The following KCTD16 variants were observed in gnomAD, a reference collection of about 807,000 sequenced individuals.
The protein encoded by KCTD16 is potassium channel tetramerization domain containing 16.
Under a neutral mutation model 33.2 loss-of-function variants are expected in KCTD16, and 13 were observed. That is an observed-to-expected ratio of 0.39 (90% CI 0.25 to 0.62). KCTD16 has a LOEUF of 0.62. KCTD16 is among the 20% of genes least tolerant of loss of function. The pLI is 0.50. For missense variants in KCTD16, 441 were observed against 525.1 expected, an observed-to-expected ratio of 0.84 and a Z score of 1.57; for synonymous variants, 197 against 195.3, an observed-to-expected ratio of 1.01 and a Z score of -0.07.
At chr5:144,278,372 T>G (rs1281892625) in intron 3 of KCTD16, among the ~76,000 whole-genome samples, 1 of 151,960 alleles carries the variant, frequency 6.6e-6, no homozygotes, top group African/African-American at 2.4e-5. Flanking sequence ...TTTCCTTTTA[T>G]CAATACCACC....
intron 3 of KCTD16, among the ~76,000 whole-genome samples, chr5:144,328,845 CTT>C (rs944928643): frequency 5.4e-5 from 8 of 149,186 alleles, no homozygotes; most frequent in African/African-American, 2.0e-4. Context: ...CTGGGAAAGA[CTT>C]TGCTGTAGCT....
At chr5:144,253,818 A>G (rs1338421751) in intron 3 of KCTD16, among the ~76,000 whole-genome samples, 1 of 152,218 alleles carries the variant, frequency 6.6e-6, no homozygotes, top group South Asian at 2.1e-4. Flanking sequence ...GAGAGAAAAA[A>G]TACATATACC....
chr5:144,445,917 A>G (rs1275014603), intron 3 of KCTD16, among the ~76,000 whole-genome samples: 1 of 151,984 alleles, frequency 6.6e-6, no homozygotes, highest in Non-Finnish European at 1.5e-5. Flanking sequence ...AGACTCTCCC[A>G]GTTTCTGTTT....
intron 3 of KCTD16, among the ~76,000 whole-genome samples, chr5:144,251,658 C>T (rs1483615130): frequency 6.6e-6 from 1 of 152,116 alleles, no homozygotes; most frequent in African/African-American, 2.4e-5. Flanking sequence ...AGTTTCCTGA[C>T]CATTTACGCA....
At chr5:144,388,179 A>G (rs1561589265) in intron 3 of KCTD16, among the ~76,000 whole-genome samples, 1 of 140,154 alleles carries the variant, frequency 7.1e-6, no homozygotes, top group Non-Finnish European at 1.5e-5. Flanking sequence ...TCCCGGGTTC[A>G]CGCCATTCTC....
chr5:144,384,143 G>A (rs867647512), intron 3 of KCTD16: 4 of 152,174 alleles, frequency 2.6e-5, no homozygotes, highest in South Asian at 2.1e-4. Context: ...AAGATGGTGA[G>A]TTAATATATT....
intron 3 of KCTD16, among the ~76,000 whole-genome samples, chr5:144,458,484 CT>C (rs150848495): frequency 0.029 from 4,433 of 152,192 alleles, 222 homozygotes; most frequent in African/African-American, 0.1. Flanking sequence ...GGCTGTTGTT[CT>C]ATAGATAAAG....
chr5:144,286,564 T>G (rs1292031458), intron 3 of KCTD16, among the ~76,000 whole-genome samples: 1 of 152,186 alleles, frequency 6.6e-6, no homozygotes, highest in African/African-American at 2.4e-5. Context: ...ATGTTACTAC[T>G]GTGAAGTTGA....
chr5:144,207,913 G>T (rs1373384540), intron 3 of KCTD16, among the ~76,000 whole-genome samples: 2 of 152,182 alleles, frequency 1.3e-5, no homozygotes, highest in Non-Finnish European at 2.9e-5. Flanking sequence ...TATACTCAGT[G>T]GGTGAATTAC....
chr5:144,279,638 A>G (rs10045800), intron 3 of KCTD16, among the ~76,000 whole-genome samples: 35,556 of 152,202 alleles, frequency 0.23, 4,390 homozygotes, highest in Non-Finnish European at 0.28. Flanking sequence ...TGGTGGAAGG[A>G]CAAGAGAGTG....
At chr5:144,312,282 G>A (rs1211507557) in intron 3 of KCTD16, among the ~76,000 whole-genome samples, 1 of 152,198 alleles carries the variant, frequency 6.6e-6, no homozygotes, top group Non-Finnish European at 1.5e-5. Flanking sequence ...CAGGACAAGT[G>A]CTTGGCCCCA....
At chr5:144,192,641 G>T (rs1161321227) in intron 2 of KCTD16, among the ~76,000 whole-genome samples, 2 of 152,182 alleles carry the variant, frequency 1.3e-5, no homozygotes, top group Non-Finnish European at 2.9e-5. Flanking sequence ...TTTCATTTAT[G>T]ACAGAACCTT....
intron 3 of KCTD16, among the ~76,000 whole-genome samples, chr5:144,355,374 G>A (rs1352628513): frequency 6.6e-6 from 1 of 152,166 alleles, no homozygotes; most frequent in Non-Finnish European, 1.5e-5. Flanking sequence ...ATATTCAGAA[G>A]ACAGCAATTT....
intron 3 of KCTD16, 57 bp downstream of exon 3, chr5:144,207,603 A>G: frequency 7.9e-7 from 1 of 1,260,274 alleles, no homozygotes. Flanking sequence ...TCACAAATGT[A>G]TATGGTCTGT....
At chr5:144,323,253 G>T (rs189462951) in intron 3 of KCTD16, among the ~76,000 whole-genome samples, 2 of 152,234 alleles carry the variant, frequency 1.3e-5, no homozygotes, top group African/African-American at 2.4e-5. Flanking sequence ...GCGCTAAAAA[G>T]CCTTGAGATA....
intron 3 of KCTD16, chr5:144,383,205 G>C (rs1752253144): frequency 6.6e-6 from 1 of 152,264 alleles, no homozygotes; most frequent in East Asian, 1.9e-4. Context: ...AATGATAAAT[G>C]ACGATTTAGA....
chr5:144,298,414 T>C (rs533794469), intron 3 of KCTD16, among the ~76,000 whole-genome samples: 1 of 152,292 alleles, frequency 6.6e-6, no homozygotes, highest in East Asian at 1.9e-4. Flanking sequence ...ATAGCAGCTA[T>C]TTTCAGCCTT....
intron 3 of KCTD16, among the ~76,000 whole-genome samples, chr5:144,448,293 T>G (rs1031955745): frequency 2.0e-5 from 3 of 152,106 alleles, no homozygotes; most frequent in African/African-American, 7.2e-5. Context: ...AGGAGAATGG[T>G]CAATTCATTG....
At chr5:144,343,256 G>T (rs906771385) in intron 3 of KCTD16, among the ~76,000 whole-genome samples, 22 of 152,048 alleles carry the variant, frequency 1.4e-4, no homozygotes, top group Admixed American at 7.9e-4. Flanking sequence ...CAATTTCAGA[G>T]CCTGTTATTG....
Sources: gnomAD v4.1 joint callset for allele counts (sites outside exome capture counted in the v4.1 genomes callset) on GRCh38, gnomAD v4.1.1 for gene constraint, MANE v1.5 for transcripts, NCBI Gene and HGNC (gene_info 2026-07-23, HGNC 2026-07-21) for gene names.